ANXA13: variants seen among roughly 807,000 people sequenced by gnomAD.
ANXA13 encodes the protein annexin XIII.
Under a neutral mutation model 46.6 loss-of-function variants are expected in ANXA13, and 36 were observed. That is an observed-to-expected ratio of 0.77 (90% CI 0.59 to 1.02). The LOEUF (loss-of-function observed/expected upper bound fraction) is 1.02. Ranked by LOEUF, ANXA13 falls within the 50% of genes least tolerant of loss-of-function variation. ANXA13 has a pLI of 0.00. For synonymous variants in ANXA13, 163 were observed against 152.9 expected, an observed-to-expected ratio of 1.07 and a Z score of -0.49; for missense variants, 417 against 396.5, an observed-to-expected ratio of 1.05 and a Z score of -0.44.
intron 8 of ANXA13, among the ~76,000 whole-genome samples, chr8:123,689,264 T>C (rs1470597903): frequency 2.0e-5 from 3 of 147,978 alleles, no homozygotes; most frequent in Non-Finnish European, 4.5e-5. Flanking sequence ...TTATAATATA[T>C]ATAATTAATA....
intron 1 of ANXA13, among the ~76,000 whole-genome samples, chr8:123,737,093 T>C (rs140241428): frequency 1.8e-3 from 268 of 151,798 alleles, no homozygotes; most frequent in Non-Finnish European, 2.5e-3. Context: ...ACTCCTGACC[T>C]CAAGTAATCC....
intron 1 of ANXA13, among the ~76,000 whole-genome samples, chr8:123,725,505 A>G (rs542571493): frequency 6.6e-6 from 1 of 152,368 alleles, no homozygotes; most frequent in South Asian, 2.1e-4. Context: ...TTTAACATTC[A>G]TGAATTCAGA....
At chr8:123,710,911 C>A (rs1813646617) in intron 2 of ANXA13, among the ~76,000 whole-genome samples, 1 of 152,204 alleles carries the variant, frequency 6.6e-6, no homozygotes, top group Non-Finnish European at 1.5e-5. Flanking sequence ...TGCCCCTTGA[C>A]CCCTCTGTCT....
intron 2 of ANXA13, chr8:123,711,833 T>C (rs1246276455): frequency 1.3e-5 from 2 of 152,348 alleles, no homozygotes; most frequent in Non-Finnish European, 2.9e-5. Context: ...CAGGATGGTT[T>C]CCATCTCTTG....
chr8:123,682,697 C>T (rs1265494945), intron 10 of ANXA13, among the ~76,000 whole-genome samples: 2 of 152,096 alleles, frequency 1.3e-5, no homozygotes, highest in African/African-American at 4.8e-5. Flanking sequence ...GGCTCCTTGC[C>T]CCGTGCTGGG....
At chr8:123,722,387 A>AAAGAAAGG (rs1282797887) in intron 1 of ANXA13, among the ~76,000 whole-genome samples, 2 of 136,790 alleles carry the variant, frequency 1.5e-5, no homozygotes, top group South Asian at 2.3e-4. Context: ...AGAAAGAAAG[A>AAAGAAAGG]AAGAAAGAAA....
intron 1 of ANXA13, among the ~76,000 whole-genome samples, chr8:123,734,190 C>G (rs558258643): frequency 1.5e-4 from 23 of 152,308 alleles, no homozygotes; most frequent in African/African-American, 5.5e-4. Flanking sequence ...CTAGGTCTCC[C>G]TCCCTCTGTC....
chr8:123,698,422 G>T lies in ANXA13; in HGVS notation c.324C>A (p.Val108=). 1 of 1,614,190 alleles carries T rather than the reference G, an allele frequency of 6.2e-7. No individual in the cohort carries two copies. The highest frequency in any genetic ancestry group is 8.5e-7 in the Non-Finnish European group (1 of 1,180,038). ...TCCTCGTGCACAGGACCTCAATGAG[G>T]ACGGACTCATCTGTGCCCAGACCCT... is the stretch of plus-strand genomic sequence containing the variant. The part of the protein sequence containing the change: ...AMKGLGTDES[V]LIEVLCTRTN... The change falls in exon 4 of 11, where the codon GTC becomes GTA. Residue 108 remains valine (V), a synonymous_variant. Transcript: ENST00000419625.
intron 1 of ANXA13, among the ~76,000 whole-genome samples, 170 bp downstream of exon 1, chr8:123,737,150 C>T (rs1004477912): frequency 3.9e-5 from 6 of 151,912 alleles, no homozygotes; most frequent in Admixed American, 2.0e-4. Context: ...TGTGAGCCAC[C>T]GCACCCGGCC....
At chr8:123,688,120 A>G (rs1813172241) in intron 9 of ANXA13, among the ~76,000 whole-genome samples, 1 of 152,072 alleles carries the variant, frequency 6.6e-6, no homozygotes, top group South Asian at 2.1e-4. Flanking sequence ...CTGTGTCCCC[A>G]CCCAAATCTC....
At chr8:123,697,056 C>A (rs1240628942) in intron 4 of ANXA13, among the ~76,000 whole-genome samples, 3 of 152,172 alleles carry the variant, frequency 2.0e-5, no homozygotes, top group African/African-American at 7.2e-5. Context: ...ATTACAGATG[C>A]ATGGCGCCAC....
chr8:123,689,592 C>T (rs1708796801), intron 8 of ANXA13, among the ~76,000 whole-genome samples: 1 of 152,164 alleles, frequency 6.6e-6, no homozygotes, highest in Admixed American at 6.5e-5. Flanking sequence ...TCCAAATAAT[C>T]CTATATTCAC....
At chr8:123,699,325 A>T (rs1163958916) in intron 3 of ANXA13, among the ~76,000 whole-genome samples, 1 of 152,140 alleles carries the variant, frequency 6.6e-6, no homozygotes, top group Non-Finnish European at 1.5e-5. Flanking sequence ...GACTACAGGT[A>T]CACACTGCCA....
intron 2 of ANXA13, among the ~76,000 whole-genome samples, chr8:123,707,963 G>A (rs7813635): frequency 0.026 from 3,916 of 152,220 alleles, 173 homozygotes; most frequent in African/African-American, 0.086. Flanking sequence ...CCTGGACGTC[G>A]GGGGAGGCTA....
intron 2 of ANXA13, among the ~76,000 whole-genome samples, chr8:123,707,035 T>G (rs1036260834): frequency 6.6e-6 from 1 of 152,242 alleles, no homozygotes; most frequent in Non-Finnish European, 1.5e-5. Context: ...TCATGCTGCC[T>G]GCTCTTCCTG....
intron 2 of ANXA13, among the ~76,000 whole-genome samples, chr8:123,709,872 C>T (rs1306413142): frequency 6.6e-6 from 1 of 152,206 alleles, no homozygotes; most frequent in Non-Finnish European, 1.5e-5. Flanking sequence ...GATTCTCCTG[C>T]CTCAGCCTCC....
At chr8:123,686,914 T>C (rs1813149721) in intron 9 of ANXA13, among the ~76,000 whole-genome samples, 1 of 152,226 alleles carries the variant, frequency 6.6e-6, no homozygotes, top group Non-Finnish European at 1.5e-5. Context: ...TCAAGGTCTT[T>C]TCTAATCACT....
chr8:123,723,051 T>C (rs1194224670), intron 1 of ANXA13, among the ~76,000 whole-genome samples: 4 of 152,344 alleles, frequency 2.6e-5, no homozygotes, highest in Admixed American at 2.6e-4. Context: ...TTTCTTCTGA[T>C]GGGTGCCTGC....
intron 1 of ANXA13, among the ~76,000 whole-genome samples, chr8:123,733,913 TG>T (rs1255182520): frequency 2.1e-4 from 32 of 152,310 alleles, no homozygotes; most frequent in African/African-American, 7.5e-4. Flanking sequence ...CATAGTCCAG[TG>T]CTTCTAAGAT....
Sources: gnomAD v4.1 joint callset for allele counts (sites outside exome capture counted in the v4.1 genomes callset) on GRCh38, gnomAD v4.1.1 for gene constraint, MANE v1.5 for transcripts, NCBI Gene and HGNC (gene_info 2026-07-23, HGNC 2026-07-21) for gene names.